The following CDH18 variants were observed in gnomAD, a reference collection of about 807,000 sequenced individuals.
The protein encoded by CDH18 is cadherin-18.
CDH18 carries 31 observed loss-of-function variants against 67.9 expected under a neutral mutation model. The observed-to-expected ratio is 0.46, with a 90% CI of 0.34 to 0.62. The LOEUF (loss-of-function observed/expected upper bound fraction) is 0.62. Among genes scored for constraint, CDH18 ranks in the 20% least tolerant of loss-of-function variants. The pLI is 0.01. For synonymous variants in CDH18, 362 were observed against 347.2 expected (o/e 1.04, Z -0.48); for missense variants, 890 against 975.5 (o/e 0.91, Z 1.17).
At chr5:19,627,233 C>A (rs1239504475) in intron 5 of CDH18, among the ~76,000 whole-genome samples, 1 of 152,050 alleles carries the variant, frequency 6.6e-6, no homozygotes, top group Non-Finnish European at 1.5e-5. Context: ...CATTACATTG[C>A]AAGGAACACA....
intron 2 of CDH18, among the ~76,000 whole-genome samples, chr5:20,137,956 T>A (rs545725768): frequency 6.8e-4 from 103 of 152,186 alleles, no homozygotes; most frequent in African/African-American, 2.4e-3. Flanking sequence ...CCTCCCTAAC[T>A]CATTTTATGA....
Position 19,473,019 on chromosome 5 carries a change from CTTTGTA to C in CDH18, c.*201_*206del, listed in dbSNP as rs1737792376. On this transcript the variant is annotated 3_prime_UTR_variant, in exon 13 of 13. Coordinates refer to ENST00000382275, the MANE Select transcript of CDH18 (RefSeq NM_004934.5). ...TATACACAAGGAACAATAACTTTTT[CTTTGTA>C]TTGTCTTTTTTTTTTTTTTTTTACT... 4 of 524,098 alleles carry C rather than the reference CTTTGTA, an allele frequency of 7.6e-6. No individual in the cohort carries two copies. In the South Asian group the frequency reaches 1.2e-4, roughly 16 times the overall value. 32.5% of individuals were successfully genotyped at this position (524,098 alleles called of 1,614,324 possible).
chr5:20,551,386 A>C (rs1757624319), intron 1 of CDH18, among the ~76,000 whole-genome samples: 5 of 152,152 alleles, frequency 3.3e-5, no homozygotes, highest in Admixed American at 2.6e-4. Context: ...GGACATCTGA[A>C]GTGTCTTGCT....
intron 2 of CDH18, among the ~76,000 whole-genome samples, chr5:20,174,619 C>A (rs1665265349): frequency 6.6e-6 from 1 of 152,134 alleles, no homozygotes; most frequent in African/African-American, 2.4e-5. Flanking sequence ...ATAAGCTATG[C>A]AGCCAGTACA....
intron 2 of CDH18, among the ~76,000 whole-genome samples, chr5:20,032,233 G>A (rs2150454180): frequency 6.6e-6 from 1 of 150,590 alleles, no homozygotes; most frequent in East Asian, 1.9e-4. Context: ...ACATATATGT[G>A]CATGTATATA....
intron 1 of CDH18, among the ~76,000 whole-genome samples, chr5:20,558,171 C>T (rs1387381604): frequency 6.6e-6 from 1 of 151,984 alleles, no homozygotes; most frequent in Non-Finnish European, 1.5e-5. Context: ...GTGACCCCTC[C>T]GTGGAAGATT....
chr5:20,383,792 G>A (rs1744098878), intron 1 of CDH18, among the ~76,000 whole-genome samples: 1 of 152,028 alleles, frequency 6.6e-6, no homozygotes, highest in South Asian at 2.1e-4. Flanking sequence ...ATAAACTTGT[G>A]AGCATAGTAA....
chr5:20,476,539 AAAGAATCCT>A (rs2150247865), intron 1 of CDH18, among the ~76,000 whole-genome samples: 2 of 152,300 alleles, frequency 1.3e-5, no homozygotes, highest in African/African-American at 4.8e-5. Context: ...ACTTCTACTG[AAAGAATCCT>A]AATTCAATAA....
At chr5:19,699,909 T>C (rs1763015348) in intron 5 of CDH18, among the ~76,000 whole-genome samples, 1 of 152,082 alleles carries the variant, frequency 6.6e-6, no homozygotes, top group Admixed American at 6.6e-5. Context: ...AGGTGACAGT[T>C]GCACTGAAAA....
intron 3 of CDH18, among the ~76,000 whole-genome samples, chr5:19,755,716 A>G (rs1296632400): frequency 1.3e-5 from 2 of 151,500 alleles, no homozygotes; most frequent in Non-Finnish European, 2.9e-5. Flanking sequence ...GAGCAAGGAG[A>G]GCCAGTCCAA....
intron 1 of CDH18, among the ~76,000 whole-genome samples, chr5:20,430,736 C>T (rs1748672383): frequency 6.6e-6 from 1 of 152,002 alleles, no homozygotes; most frequent in Admixed American, 6.6e-5. Flanking sequence ...GATTCAACAC[C>T]CAAAATATAA....
chr5:20,369,531 C>T lies in CDH18; in HGVS notation c.-579-114026G>A, dbSNP rs188763788. Among the ~76,000 whole-genome samples the T allele has an allele frequency of 1.1e-3, 165 of 152,224 alleles. 1 individual carries two copies. Among genetic ancestry groups the T allele is most frequent in the Non-Finnish European group, 1.8e-3 (122 of 68,014 alleles). On this transcript the variant is annotated intron_variant, in intron 1 of 14. Coordinates refer to the CDH18 transcript ENST00000507958. Reference sequence around the variant, plus strand: ...TTATTTCACCTACTATGAAATGTTACGAAGTCATTTTTCTGATGGTTAATA... The same window carrying T: ...TTATTTCACCTACTATGAAATGTTATGAAGTCATTTTTCTGATGGTTAATA...
At chr5:20,428,998 A>G (rs1225197952) in intron 1 of CDH18, among the ~76,000 whole-genome samples, 1 of 152,100 alleles carries the variant, frequency 6.6e-6, no homozygotes, top group Non-Finnish European at 1.5e-5. Context: ...CCCAAGGGAG[A>G]ATGCTATAAA....
intron 5 of CDH18, among the ~76,000 whole-genome samples, chr5:19,676,839 TC>T (rs1759554108): frequency 6.6e-6 from 1 of 151,996 alleles, no homozygotes; most frequent in African/African-American, 2.4e-5. Context: ...AGTCCTAGGA[TC>T]CAGGTTAAAC....
chr5:19,895,315 A>G (rs1360596005), intron 2 of CDH18, among the ~76,000 whole-genome samples: 2 of 152,214 alleles, frequency 1.3e-5, no homozygotes. Flanking sequence ...AGAAGCCACA[A>G]ATGCTGAGCT....
chr5:19,562,006 T>C (rs1739546456), intron 8 of CDH18, among the ~76,000 whole-genome samples: 1 of 152,184 alleles, frequency 6.6e-6, no homozygotes, highest in Non-Finnish European at 1.5e-5. Context: ...TTGCTTTCTG[T>C]CTGTCTCTAC....
In CDH18 at chr5:19,954,100, C is replaced by G. The variant is rs534055680; in HGVS notation, c.-257+26960G>C. Among the ~76,000 whole-genome samples, 7 of 152,084 alleles carry G rather than the reference C, an allele frequency of 4.6e-5. No homozygotes were observed. In the South Asian group the frequency reaches 1.5e-3, roughly 32 times the overall value. On this transcript the variant is annotated intron_variant, in intron 2 of 12. Transcript: ENST00000382275. ...TTCAGGACCTATTATATTTTCTGTA[C>G]TTACTAAATATCCTAAAAATACCAC...
At position 19,699,612 on chromosome 5, in the gene CDH18, ATG is replaced by A. The variant is rs760334528; in HGVS notation, c.643+21733_643+21734del. On this transcript the variant is annotated intron_variant, in intron 5 of 12. Transcript: ENST00000382275. ...AGAGAGATGATGTCTCTCTTTCTCC[ATG>A]TGTGTGTGTGTGTGTGTGTGTGTGT... is the stretch of plus-strand genomic sequence containing the variant. 6.4e-3 allele frequency among the ~76,000 whole-genome samples: 895 copies of A among 138,898 alleles called. 6 individuals carry two copies. Among genetic ancestry groups the A allele is most frequent in the African/African-American group, 0.023 (753 of 33,198 alleles). 91.1% of individuals were successfully genotyped at this position (138,898 alleles called of 152,430 possible). A position where few individuals can be genotyped will look rare whatever the true frequency, so the allele number is the denominator to read the frequency against.
At chr5:20,018,848 G>T (rs1238180662) in intron 2 of CDH18, among the ~76,000 whole-genome samples, 1 of 141,492 alleles carries the variant, frequency 7.1e-6, no homozygotes, top group African/African-American at 2.8e-5. Context: ...AGGCTGGAGT[G>T]CAGTGGCGCG....
Sources: allele counts gnomAD v4.1 joint callset (sites outside exome capture counted in the v4.1 genomes callset), GRCh38; gene constraint gnomAD v4.1.1; transcripts MANE v1.5; gene names NCBI Gene and HGNC (gene_info 2026-07-23, HGNC 2026-07-21).